KCNA7: variants seen among roughly 807,000 people sequenced by gnomAD.
KCNA7 encodes the protein potassium channel, voltage gated shaker related subfamily A, member 7.
A neutral mutation model predicts 21.5 loss-of-function variants in KCNA7; 15 were observed. That is an observed-to-expected ratio of 0.70 (90% CI 0.47 to 1.07). The LOEUF is 1.07. Ranked by LOEUF, KCNA7 falls within the 50% of genes least tolerant of loss-of-function variation. The pLI, the probability that KCNA7 is intolerant of heterozygous loss-of-function variation, is 0.00. For synonymous variants in KCNA7, 298 were observed against 291.0 expected (o/e 1.02, Z -0.24); for missense variants, 640 against 651.6 (o/e 0.98, Z 0.19).
chr19:49,070,290 C>T lies in KCNA7; in HGVS notation c.1144G>A (p.Gly382Ser). The T allele has an allele frequency of 6.2e-7, 1 of 1,614,186 alleles. No individual in the cohort carries two copies. The highest frequency in any genetic ancestry group is 8.5e-7 in the Non-Finnish European group (1 of 1,180,038). ...KIVGSLCAIA[G>S]VLTISLPVPV... ...ACTGGCAGGGAAATAGTCAGCACGC[C>T]CGCAATGGCACACAGAGAGCCCACT... is the stretch of plus-strand genomic sequence containing the variant. The change falls in exon 2 of 2, where the codon GGC (glycine) becomes AGC (serine). Residue 382 changes from glycine (G) to serine (S), a missense_variant. Physicochemically the swap from Gly to Ser is moderately conservative, Grantham distance 56. Transcript: ENST00000221444. This position sits in a 1 kb window ranked among gnomAD's most constrained non-coding sequence, Gnocchi z 4.3.
Position 49,069,988 on chromosome 19 carries a change from C to T in KCNA7, c.*75G>A, listed in dbSNP as rs117399970. On this transcript the variant is annotated 3_prime_UTR_variant, in exon 2 of 2. Coordinates refer to ENST00000221444, the MANE Select transcript of KCNA7 (RefSeq NM_031886.3). ...TCTTCCTAAACCCAATCCCCTCCCC[C>T]CAGCCTTGCCCTCCACCCTGCCCTC... 5 of 1,204,150 alleles carry T rather than the reference C, an allele frequency of 4.2e-6. No homozygotes were observed. The highest frequency in any genetic ancestry group is 2.2e-5 in the Admixed American group (1 of 46,394). 74.6% of individuals were successfully genotyped at this position (1,204,150 alleles called of 1,614,324 possible).
chr19:49,071,696 G>C (rs1057498125), intron 1 of KCNA7, among the ~76,000 whole-genome samples: 4 of 152,092 alleles, frequency 2.6e-5, no homozygotes, highest in African/African-American at 9.7e-5. Context: ...GAGTTATTCA[G>C]GGCCTGGCTT....
chr19:49,072,430 C>G lies in KCNA7; in HGVS notation c.156G>C (p.Ala52=). ...PARRGRFYDD[A]RREYFFDRHR... is the part of the protein sequence containing the mutation. Reference sequence around the variant, plus strand: ...GCCGGTCGAAGAAATACTCGCGGCGCGCGTCGTCGTAGAAGCGGCCGCGGC... The same window carrying G: ...GCCGGTCGAAGAAATACTCGCGGCGGGCGTCGTCGTAGAAGCGGCCGCGGC... The change falls in exon 1 of 2, where the codon GCG becomes GCC. Residue 52 remains alanine (A), a synonymous_variant. Coordinates refer to ENST00000221444, the MANE Select transcript of KCNA7 (RefSeq NM_031886.3). 1 of 1,577,150 alleles carries G rather than the reference C, an allele frequency of 6.3e-7. No homozygotes were observed. Among genetic ancestry groups the G allele is most frequent in the Non-Finnish European group, 8.5e-7 (1 of 1,170,052 alleles).
In KCNA7 at chr19:49,072,688, A is replaced by T; in HGVS notation, c.-103T>A. ...CCTCGGCCGCCGCCGCCGCCGCCCC[A>T]GCCCGGTGTCCGGTGTCCGGTGTCC... On this transcript the variant is annotated 5_prime_UTR_variant, in exon 1 of 2. Transcript: ENST00000221444. The T allele has an allele frequency of 2.4e-6, 2 of 833,622 alleles. No homozygotes were observed. Among genetic ancestry groups the T allele is most frequent in the Non-Finnish European group, 2.9e-6 (2 of 695,726 alleles). 51.6% of individuals were successfully genotyped at this position (833,622 alleles called of 1,614,324 possible).
chr19:49,070,270 C>A lies in KCNA7; in HGVS notation c.1164G>T (p.Leu388=). ...AATTGGAGACAATGACGGGCACTGG[C>A]AGGGAAATAGTCAGCACGCCCGCAA... ...CAIAGVLTIS[L]PVPVIVSNFS... is the part of the protein sequence containing the mutation. The change falls in exon 2 of 2, where the codon CTG becomes CTT. Residue 388 remains leucine (L), a synonymous_variant. Transcript: ENST00000221444. This position sits in a 1 kb window ranked among gnomAD's most constrained non-coding sequence, Gnocchi z 4.3. 2 of 1,614,192 alleles carry A rather than the reference C, an allele frequency of 1.2e-6. No individual in the cohort carries two copies. Among genetic ancestry groups the A allele is most frequent in the South Asian group, 1.1e-5 (1 of 91,088 alleles).
intron 1 of KCNA7, among the ~76,000 whole-genome samples, chr19:49,071,802 C>G (rs1005179224): frequency 1.1e-4 from 16 of 152,320 alleles, no homozygotes; most frequent in Admixed American, 4.6e-4. Context: ...CCCCTTGCAT[C>G]AAGGGCCCTG....
In KCNA7 at chr19:49,070,131, C is replaced by T. The variant is rs772250720; in HGVS notation, c.1303G>A (p.Gly435Arg). The T allele has an allele frequency of 1.5e-5, 24 of 1,613,566 alleles. No individual in the cohort carries two copies. The highest frequency in any genetic ancestry group is 6.7e-5 in the African/African-American group (5 of 74,808). ...EGKANGGLVD[G>R]EVPELPPPLW... The stretch of plus-strand genomic sequence containing the variant: ...GGAGGTGGTAGCTCAGGTACCTCCC[C>T]GTCCACCAGCCCCCCATTGGCCTTG... The change falls in exon 2 of 2, where the codon GGG becomes AGG. Residue 435 changes from glycine (G) to arginine (R), a missense_variant. Coordinates refer to ENST00000221444, the MANE Select transcript of KCNA7 (RefSeq NM_031886.3). The surrounding 1 kb of genome is among the most constrained non-coding windows in gnomAD (Gnocchi z 4.3).
In KCNA7 at chr19:49,070,778, C is replaced by G; in HGVS notation, c.656G>C (p.Trp219Ser). 1.9e-6 allele frequency: 3 copies of G among 1,614,174 alleles called. No homozygotes were observed. The highest frequency in any genetic ancestry group is 2.5e-6 in the Non-Finnish European group (3 of 1,180,040). Residue 219 changes from tryptophan to serine, a missense_variant, in exon 2 of 2, where the codon TGG becomes TCG. Trp to Ser is a radical substitution (Grantham distance 177). Transcript: ENST00000221444. This position sits in a 1 kb window ranked among gnomAD's most constrained non-coding sequence, Gnocchi z 4.3. Reference protein sequence around the residue: ...FFVVETLCICWFSFELLVRLL... With the variant: ...FFVVETLCICSFSFELLVRLL... ...GCGTACCAGCAGCTCAAAGGAGAAC[C>G]AACAAATACACAGCGTCTCCACCAC...
Position 49,070,698 on chromosome 19 carries a change from C to T in KCNA7, c.736G>A (p.Asp246Asn). The T allele has an allele frequency of 1.2e-6, 2 of 1,614,192 alleles. No homozygotes were observed. Among genetic ancestry groups the T allele is most frequent in the Non-Finnish European group, 1.7e-6 (2 of 1,180,026 alleles). Residue 246 changes from aspartate to asparagine, a missense_variant, in exon 2 of 2, where the codon GAT becomes AAT. Transcript: ENST00000221444. The surrounding 1 kb of genome is among the most constrained non-coding windows in gnomAD (Gnocchi z 4.3). ...IFFKNVMNLI[D>N]FVAILPYFVA... ...AAGTAGGGAAGGATAGCCACAAAATCGATGAGGTTCATCACGTTCTTGAAG... is the reference window on the plus strand; with the variant it reads ...AAGTAGGGAAGGATAGCCACAAAATTGATGAGGTTCATCACGTTCTTGAAG...
rs58259114 is a variant in KCNA7, at chr19:49,070,057, T to A, written c.*6A>T. ...GGTGTGAGGTCCTGCAGACCTCAAC[T>A]GTTCCTCACACTTCGGTGACCAGGT... On this transcript the variant is annotated 3_prime_UTR_variant, in exon 2 of 2. Coordinates refer to ENST00000221444, the MANE Select transcript of KCNA7 (RefSeq NM_031886.3). The surrounding 1 kb of genome is among the most constrained non-coding windows in gnomAD (Gnocchi z 4.3). 3 of 1,524,370 alleles carry A rather than the reference T, an allele frequency of 2.0e-6. No individual in the cohort carries two copies. Among genetic ancestry groups the A allele is most frequent in the East Asian group, 2.5e-5 (1 of 39,550 alleles). 94.4% of individuals were successfully genotyped at this position (1,524,370 alleles called of 1,614,324 possible). A position where few individuals can be genotyped will look rare whatever the true frequency, so the allele number is the denominator to read the frequency against.
At position 49,069,912 on chromosome 19, in the gene KCNA7, C is replaced by T; in HGVS notation, c.*151G>A. 3.2e-6 allele frequency: 2 copies of T among 634,780 alleles called. No individual in the cohort carries two copies. The highest frequency in any genetic ancestry group is 2.0e-5 in the South Asian group (1 of 51,192). The allele number at this position is 634,780 out of a possible 1,614,324, so 39.3% of individuals were successfully genotyped here. ...ACAGGAGCTACCAAACCACACAACC[C>T]AAGACCCAACAAGACTCAGTGTTTC... On this transcript the variant is annotated 3_prime_UTR_variant, in exon 2 of 2. Transcript: ENST00000221444.
At position 49,070,774 on chromosome 19, in the gene KCNA7, G is replaced by A. The variant is rs1453567764; in HGVS notation, c.660C>T (p.Phe220=). The A allele has an allele frequency of 6.2e-7, 1 of 1,614,210 alleles. No homozygotes were observed. ...GGAGGCGTACCAGCAGCTCAAAGGA[G>A]AACCAACAAATACACAGCGTCTCCA... ...FVVETLCICW[F]SFELLVRLLV... The change falls in exon 2 of 2, where the codon TTC becomes TTT. Residue 220 remains phenylalanine, a synonymous_variant. Coordinates refer to ENST00000221444, the MANE Select transcript of KCNA7 (RefSeq NM_031886.3). This position sits in a 1 kb window ranked among gnomAD's most constrained non-coding sequence, Gnocchi z 4.3.
rs375050324 is a variant in KCNA7, at chr19:49,070,705, G to A, written c.729C>T (p.Asn243=). 456 of 1,614,198 alleles carry A rather than the reference G, an allele frequency of 2.8e-4. 1 individual carries two copies. The Middle Eastern group carries it at 3.1e-3, about 11-fold the overall frequency. The change falls in exon 2 of 2, where the codon AAC becomes AAT. Residue 243 remains asparagine, a synonymous_variant. Coordinates refer to ENST00000221444, the MANE Select transcript of KCNA7 (RefSeq NM_031886.3). The surrounding 1 kb of genome is among the most constrained non-coding windows in gnomAD (Gnocchi z 4.3). Reference sequence around the variant, plus strand: ...GAAGGATAGCCACAAAATCGATGAGGTTCATCACGTTCTTGAAGAAGATAG... The same window carrying A: ...GAAGGATAGCCACAAAATCGATGAGATTCATCACGTTCTTGAAGAAGATAG... The part of the protein sequence containing the change: ...SKAIFFKNVM[N]LIDFVAILPY...
Position 49,069,989 on chromosome 19 carries a change from C to T in KCNA7, c.*74G>A, listed in dbSNP as rs903234792. The T allele has an allele frequency of 3.3e-6, 4 of 1,211,516 alleles. No individual in the cohort carries two copies. Among genetic ancestry groups the T allele is most frequent in the Non-Finnish European group, 4.7e-6 (4 of 852,696 alleles). 75.0% of individuals were successfully genotyped at this position (1,211,516 alleles called of 1,614,324 possible). ...CTTCCTAAACCCAATCCCCTCCCCC[C>T]AGCCTTGCCCTCCACCCTGCCCTCC... On this transcript the variant is annotated 3_prime_UTR_variant, in exon 2 of 2. Transcript: ENST00000221444.
intron 1 of KCNA7, 88 bp downstream of exon 1, chr19:49,071,943 C>T: frequency 2.8e-6 from 3 of 1,057,574 alleles, no homozygotes; most frequent in Non-Finnish European, 1.3e-6. Context: ...CAGCCCCTGG[C>T]CCCGCCTTAT....
chr19:49,070,983 A>G lies in KCNA7; in HGVS notation c.556-105T>C. On this transcript the variant is annotated intron_variant, in intron 1 of 1. Coordinates refer to ENST00000221444, the MANE Select transcript of KCNA7 (RefSeq NM_031886.3). The surrounding 1 kb of genome is among the most constrained non-coding windows in gnomAD (Gnocchi z 4.3). Reference sequence around the variant, plus strand: ...AGCTCCTCTTTACACATTGGTCAGTAGCCGCTGCGCCAAGGCCCTCCGTGA... The same window carrying G: ...AGCTCCTCTTTACACATTGGTCAGTGGCCGCTGCGCCAAGGCCCTCCGTGA... 1 of 971,766 alleles carries G rather than the reference A, an allele frequency of 1.0e-6. No homozygotes were observed. The highest frequency in any genetic ancestry group is 1.5e-6 in the Non-Finnish European group (1 of 666,920). 60.2% of individuals were successfully genotyped at this position (971,766 alleles called of 1,614,324 possible).
In KCNA7 at chr19:49,072,031, C is replaced by A. The variant is rs201446279; in HGVS notation, c.555G>T (p.Pro185=). The stretch of plus-strand genomic sequence containing the variant: ...TCTCCACCCACGCCCCGCCTCTCAC[C>A]GGGCCGGCTGCGGCTGCAGCAGCAA... ...TGLAAAAAAG[P]FPAPLNGSSQ... The change falls in exon 1 of 2, where the codon CCG becomes CCT. Residue 185 remains proline (P), a splice_region_variant and synonymous_variant. Coordinates refer to ENST00000221444, the MANE Select transcript of KCNA7 (RefSeq NM_031886.3). 4 of 1,594,854 alleles carry A rather than the reference C, an allele frequency of 2.5e-6. No homozygotes were observed. Among genetic ancestry groups the A allele is most frequent in the Non-Finnish European group, 3.4e-6 (4 of 1,172,242 alleles).
chr19:49,072,309 C>T lies in KCNA7; in HGVS notation c.277G>A (p.Val93Met), dbSNP rs369748609. 277 of 1,587,980 alleles carry T rather than the reference C, an allele frequency of 1.7e-4. No homozygotes were observed. Among genetic ancestry groups the T allele is most frequent in the Non-Finnish European group, 2.2e-4 (257 of 1,171,802 alleles). The change falls in exon 1 of 2, where the codon GTG becomes ATG. Residue 93 changes from valine (V) to methionine (M), a missense_variant. By Grantham distance (21) the Val-to-Met change is conservative (BLOSUM62 1). Transcript: ENST00000221444. The stretch of plus-strand genomic sequence containing the variant: ...GCCGCGCCCAGCCCGTAGAAGGCCA[C>T]CTCTTCCAGGAAGACGTCGAGCGGC... ...HVPLDVFLEE[V>M]AFYGLGAAAL... is the part of the protein sequence containing the mutation.
rs1423965971 is a variant in KCNA7 at position 49,068,227 on chromosome 19, C to G, written c.*1836G>C. The G allele has an allele frequency of 6.6e-5, 10 of 152,192 alleles. No homozygotes were observed. Among genetic ancestry groups the G allele is most frequent in the Non-Finnish European group, 1.5e-5 (1 of 68,090 alleles). 9.4% of individuals were successfully genotyped at this position (152,192 alleles called of 1,614,324 possible). A position where few individuals can be genotyped will look rare whatever the true frequency, so the allele number is the denominator to read the frequency against. ...TTCTGCCTTTTTCTATTGTGGTTCT[C>G]TTTCCCTGAGACTCTGTTGTTCTGT... On this transcript the variant is annotated 3_prime_UTR_variant, in exon 2 of 2. Coordinates refer to ENST00000221444, the MANE Select transcript of KCNA7 (RefSeq NM_031886.3).
Sources: gnomAD v4.1 joint callset for allele counts (sites outside exome capture counted in the v4.1 genomes callset) on GRCh38, gnomAD v4.1.1 for gene constraint, Gnocchi (gnomAD v3.1) non-coding constraint, MANE v1.5 for transcripts, NCBI Gene and HGNC (gene_info 2026-07-23, HGNC 2026-07-21) for gene names.